The following ACSBG1 variants were observed in gnomAD, a reference collection of about 807,000 sequenced individuals.
ACSBG1 encodes the protein long-chain-fatty-acid--CoA ligase ACSBG1.
Under a neutral mutation model 80.2 loss-of-function variants are expected in ACSBG1, and 39 were observed. The ratio of observed to expected loss-of-function variants is 0.49; its 90% CI spans 0.38 to 0.64. ACSBG1 has a LOEUF of 0.64. Ranked by LOEUF, ACSBG1 falls within the 30% of genes least tolerant of loss-of-function variation. The pLI is 0.00. For synonymous variants in ACSBG1, 392 were observed against 379.5 expected, an observed-to-expected ratio of 1.03 and a Z score of -0.38; for missense variants, 828 against 966.4, an observed-to-expected ratio of 0.86 and a Z score of 1.90.
intron 5 of ACSBG1, among the ~76,000 whole-genome samples, chr15:78,184,295 C>T (rs2074977694): frequency 6.6e-6 from 1 of 152,044 alleles, no homozygotes; most frequent in Admixed American, 6.5e-5. Context: ...CTCAGCCTCC[C>T]GAGTAGCTGG....
intron 1 of ACSBG1, among the ~76,000 whole-genome samples, chr15:78,220,158 A>G (rs187890158): frequency 6.6e-6 from 1 of 152,382 alleles, no homozygotes; most frequent in African/African-American, 2.4e-5. Flanking sequence ...ATGAAATAGA[A>G]TTAAGAATTC....
Position 78,193,390 on chromosome 15 carries a change from G to A in ACSBG1, c.663+116C>T, listed in dbSNP as rs79908499. 26,116 of 1,436,784 alleles carry A rather than the reference G, an allele frequency of 0.018. 420 individuals carry two copies. The highest frequency in any genetic ancestry group is 0.056 in the East Asian group (2,365 of 42,168). The allele number at this position is 1,436,784 out of a possible 1,614,324, so 89.0% of individuals were successfully genotyped here. ...CTTGCTGTGTATGCATTAGAGGGTTGCCGTTGAGGATGAGGACACTCTGGA... is the reference window on the plus strand; with the variant it reads ...CTTGCTGTGTATGCATTAGAGGGTTACCGTTGAGGATGAGGACACTCTGGA... On this transcript the variant is annotated intron_variant, in intron 5 of 13. Coordinates refer to ENST00000258873, the MANE Select transcript of ACSBG1 (RefSeq NM_015162.5).
intron 2 of ACSBG1, among the ~76,000 whole-genome samples, chr15:78,199,906 G>A (rs2075151337): frequency 6.6e-6 from 1 of 152,108 alleles, no homozygotes; most frequent in Non-Finnish European, 1.5e-5. Context: ...TGCATGCTGT[G>A]TGGCTGCGTT....
chr15:78,178,382 T>C lies in ACSBG1; in HGVS notation c.1702+232A>G, dbSNP rs921982747. ...GAGGCAATCTCAGCTCACTGCAACC[T>C]CTGCCTCCCGGGTTCAAGTAATTCT... On this transcript the variant is annotated intron_variant, in intron 11 of 13. Transcript: ENST00000258873. This position sits in a 1 kb window ranked among gnomAD's most constrained non-coding sequence, Gnocchi z 4.3. Among the ~76,000 whole-genome samples the C allele has an allele frequency of 5.9e-5, 9 of 152,134 alleles. No homozygotes were observed. Among genetic ancestry groups the C allele is most frequent in the Admixed American group, 5.2e-4 (8 of 15,272 alleles).
Position 78,234,471 on chromosome 15 carries a change from A to G in ACSBG1, c.31T>C (p.Cys11Arg). The G allele has an allele frequency of 6.2e-7, 1 of 1,612,326 alleles. No individual in the cohort carries two copies. The highest frequency in any genetic ancestry group is 8.5e-7 in the Non-Finnish European group (1 of 1,179,976). The change falls in exon 1 of 14, where the codon TGC becomes CGC. Residue 11 changes from cysteine to arginine, a missense_variant. Around this residue, in one of 3 missense-constraint regions of ACSBG1, gnomAD observed 356 missense variants for 363.5 expected, o/e 0.98. Coordinates refer to ENST00000258873, the MANE Select transcript of ACSBG1 (RefSeq NM_015162.5). MPRNSGAGYG[C>R]PHGDPSMLDS... ...AGCATGCTGGGGTCCCCGTGTGGGC[A>G]GCCGTATCCAGCTCCAGAATTGCGT... is the stretch of plus-strand genomic sequence containing the variant.
At chr15:78,185,788 C>T (rs915959786) in intron 5 of ACSBG1, among the ~76,000 whole-genome samples, 2 of 150,512 alleles carry the variant, frequency 1.3e-5, no homozygotes, top group East Asian at 1.9e-4. Context: ...TGGAGAGGAA[C>T]GAAAATAAGA....
In ACSBG1 at chr15:78,171,448, ATTT is replaced by A; in HGVS notation, c.2168_2170del (p.Lys723del). On this transcript the variant is annotated inframe_deletion, in exon 14 of 14. Coordinates refer to ENST00000258873, the MANE Select transcript of ACSBG1 (RefSeq NM_015162.5). Reference sequence around the variant, plus strand: ...AACTGCAGGCATAGGCCCTGATTACATTTTTTGCTCTTGGTAAAAGGAGTCAAT... The same window carrying A: ...AACTGCAGGCATAGGCCCTGATTACATTTGCTCTTGGTAAAAGGAGTCAAT... The A allele has an allele frequency of 6.2e-7, 1 of 1,613,876 alleles. No homozygotes were observed. Among genetic ancestry groups the A allele is most frequent in the Non-Finnish European group, 8.5e-7 (1 of 1,179,812 alleles).
intron 5 of ACSBG1, among the ~76,000 whole-genome samples, chr15:78,187,803 T>C (rs531973908): frequency 0.022 from 3,384 of 152,070 alleles, 120 homozygotes; most frequent in African/African-American, 0.076. Flanking sequence ...CTATTCAACA[T>C]TGTGTTGGAA....
At chr15:78,216,974 A>G (rs2075316687) in intron 1 of ACSBG1, among the ~76,000 whole-genome samples, 1 of 152,218 alleles carries the variant, frequency 6.6e-6, no homozygotes, top group African/African-American at 2.4e-5. Context: ...GCTCTGTTTC[A>G]GTTTTGTGAC....
chr15:78,198,840 T>C (rs941404724), intron 2 of ACSBG1, among the ~76,000 whole-genome samples: 3 of 152,246 alleles, frequency 2.0e-5, no homozygotes, highest in South Asian at 2.1e-4. Context: ...ATCTTATTAA[T>C]GTATTAATCA....
In ACSBG1 at chr15:78,202,976, C is replaced by T. The variant is rs8026347; in HGVS notation, c.232+5026G>A. 1.6e-3 allele frequency among the ~76,000 whole-genome samples: 237 copies of T among 152,064 alleles called. 1 individual carries two copies. Among genetic ancestry groups the T allele is most frequent in the African/African-American group, 5.5e-3 (226 of 41,450 alleles). On this transcript the variant is annotated intron_variant, in intron 2 of 13. Coordinates refer to ENST00000258873, the MANE Select transcript of ACSBG1 (RefSeq NM_015162.5). ...AGCCGTATCATGGATTCCCATGCAG[C>T]CATTAAAATAAAGTACAAAAAGAAT... is the stretch of plus-strand genomic sequence containing the variant.
chr15:78,205,432 T>A (rs1463542450), intron 2 of ACSBG1, among the ~76,000 whole-genome samples: 1 of 151,888 alleles, frequency 6.6e-6, no homozygotes, highest in African/African-American at 2.4e-5. Flanking sequence ...TGCAGTTAGA[T>A]GAAAGGGAGG....
intron 1 of ACSBG1, among the ~76,000 whole-genome samples, chr15:78,221,278 T>C (rs2075357739): frequency 6.6e-6 from 1 of 151,728 alleles, no homozygotes; most frequent in Non-Finnish European, 1.5e-5. Flanking sequence ...CAGAATGGGG[T>C]GAACAGGGTG....
In ACSBG1 at chr15:78,203,110, C is replaced by G. The variant is rs572385102; in HGVS notation, c.232+4892G>C. Among the ~76,000 whole-genome samples the G allele has an allele frequency of 3.3e-5, 5 of 152,332 alleles. No individual in the cohort carries two copies. The South Asian group carries it at 1.0e-3, about 32-fold the overall frequency. On this transcript the variant is annotated intron_variant, in intron 2 of 13. Coordinates refer to ENST00000258873, the MANE Select transcript of ACSBG1 (RefSeq NM_015162.5). The stretch of plus-strand genomic sequence containing the variant: ...CACTGAAAAGATCTGTATCGAGAGA[C>G]TTAGGAAATCAGGATGACTGCCAGT...
At chr15:78,214,045 TA>T (rs2075288383) in intron 1 of ACSBG1, among the ~76,000 whole-genome samples, 2 of 152,202 alleles carry the variant, frequency 1.3e-5, no homozygotes, top group Non-Finnish European at 2.9e-5. Context: ...GTGCATGTCA[TA>T]AAACTTAGCC....
rs1555434014 is a variant in ACSBG1, at chr15:78,215,731, A to AAAGAAAGG, written c.132-7630_132-7629insCCTTTCTT. On this transcript the variant is annotated intron_variant, in intron 1 of 13. Coordinates refer to ENST00000258873, the MANE Select transcript of ACSBG1 (RefSeq NM_015162.5). ...AAGAGAGAAAGAAAGAAAGAGAAAG[A>AAAGAAAGG]AAGAAAGAAAGAAAGAAAGAAAGAA... is the stretch of plus-strand genomic sequence containing the variant. Among the ~76,000 whole-genome samples the AAAGAAAGG allele has an allele frequency of 7.1e-5, 7 of 98,124 alleles. No homozygotes were observed. The East Asian group carries it at 8.0e-4, about 11-fold the overall frequency. The allele number at this position is 98,124 out of a possible 152,430, so 64.4% of individuals were successfully genotyped here.
intron 5 of ACSBG1, among the ~76,000 whole-genome samples, chr15:78,183,492 G>T (rs918121827): frequency 6.6e-6 from 1 of 152,134 alleles, no homozygotes; most frequent in Non-Finnish European, 1.5e-5. Context: ...CACGAGACTC[G>T]CTTGAGCCCG....
At chr15:78,218,702 T>A (rs1204497625) in intron 1 of ACSBG1, among the ~76,000 whole-genome samples, 3 of 151,948 alleles carry the variant, frequency 2.0e-5, no homozygotes, top group Middle Eastern at 3.4e-3. Flanking sequence ...TGAAGTAACT[T>A]GCTAAAGGTT....
In ACSBG1 at chr15:78,182,773, A is replaced by G. The variant is rs759666048; in HGVS notation, c.676T>C (p.Leu226=). 32 of 1,614,106 alleles carry G rather than the reference A, an allele frequency of 2.0e-5. No individual in the cohort carries two copies. In the Admixed American group the frequency reaches 2.7e-4, roughly 13 times the overall value. ...LEKILKIWKQ[L]PHLKAVVIYK... Reference sequence around the variant, plus strand: ...ATCACGACTGCCTTTAGATGTGGCAACTGTTTCCAGATCTGCATTGACAGG... The same window carrying G: ...ATCACGACTGCCTTTAGATGTGGCAGCTGTTTCCAGATCTGCATTGACAGG... Residue 226 remains leucine (L), a synonymous_variant, in exon 6 of 14, where the codon TTG becomes CTG. Coordinates refer to ENST00000258873, the MANE Select transcript of ACSBG1 (RefSeq NM_015162.5).
Sources: allele counts gnomAD v4.1 joint callset (sites outside exome capture counted in the v4.1 genomes callset), GRCh38; gene constraint gnomAD v4.1.1; regional missense constraint gnomAD v4.1.1; non-coding constraint Gnocchi (gnomAD v3.1); transcripts MANE v1.5; gene names NCBI Gene and HGNC (gene_info 2026-07-23, HGNC 2026-07-21).